Variants in EXOC3L2 observed in about 807,000 individuals in gnomAD.
EXOC3L2 encodes the protein exocyst complex component 3 like 2.
In EXOC3L2, 17 loss-of-function variants were observed where a neutral mutation model predicts 44.4. The ratio of observed to expected loss-of-function variants is 0.38; its 90% CI spans 0.26 to 0.57. The LOEUF is 0.57. Ranked by LOEUF, EXOC3L2 falls within the 20% of genes least tolerant of loss-of-function variation. EXOC3L2 has a pLI of 0.65. For missense variants in EXOC3L2, 541 were observed against 588.4 expected (o/e 0.92, Z 0.83); for synonymous variants, 256 against 253.7 (o/e 1.01, Z -0.09).
At chr19:45,224,742 G>A in intron 8 of EXOC3L2, 36 bp downstream of exon 8, 1 of 1,540,406 alleles carries the variant, frequency 6.5e-7, no homozygotes, top group Non-Finnish European at 8.8e-7. Flanking sequence ...CCCTGTCCTG[G>A]CATGGGCCCC....
intron 11 of EXOC3L2, 46 bp from the exon 12 acceptor site, chr19:45,213,403 G>A: frequency 6.2e-7 from 1 of 1,602,404 alleles, no homozygotes; most frequent in Non-Finnish European, 8.5e-7. Flanking sequence ...CCCAGCTCTA[G>A]ACACACACCC....
intron 4 of EXOC3L2, among the ~76,000 whole-genome samples, chr19:45,231,391 G>A (rs576458773): frequency 1.2e-4 from 18 of 149,600 alleles, no homozygotes; most frequent in African/African-American, 4.5e-4. Context: ...GAGAGGCTGA[G>A]GCAGGAGGAT....
intron 8 of EXOC3L2, among the ~76,000 whole-genome samples, chr19:45,224,279 G>T (rs960826543): frequency 1.3e-5 from 2 of 152,106 alleles, no homozygotes; most frequent in Non-Finnish European, 1.5e-5. Flanking sequence ...TTTGGCATTT[G>T]CTCTGCGTGA....
chr19:45,242,693 C>T (rs757048460), intron 1 of EXOC3L2, among the ~76,000 whole-genome samples: 15 of 152,026 alleles, frequency 9.9e-5, no homozygotes, highest in African/African-American at 2.7e-4. Flanking sequence ...GAAACCCTGC[C>T]TCTACTAAAA....
At chr19:45,237,003 T>G (rs529243306) in intron 2 of EXOC3L2, among the ~76,000 whole-genome samples, 1 of 136,608 alleles carries the variant, frequency 7.3e-6, no homozygotes, top group African/African-American at 2.8e-5. Context: ...AGACCCTGTC[T>G]CAAAGGAAAA....
chr19:45,245,247 C>T (rs1187118436), intron 1 of EXOC3L2, 94 bp downstream of exon 1: 1 of 152,178 alleles, frequency 6.6e-6, no homozygotes, highest in East Asian at 1.9e-4. Flanking sequence ...GGTACAGGTT[C>T]TCATCAGCTC....
intron 1 of EXOC3L2, among the ~76,000 whole-genome samples, chr19:45,240,101 A>AT: frequency 7.3e-6 from 1 of 137,562 alleles, no homozygotes; most frequent in African/African-American, 2.7e-5. Context: ...GGCAAAGCCT[A>AT]ATTTTTTTTT....
Position 45,217,700 on chromosome 19 carries a change from G to C in EXOC3L2, c.1843-17C>G, listed in dbSNP as rs1317553380. On this transcript the variant is annotated splice_polypyrimidine_tract_variant and intron_variant, in intron 9 of 11. Transcript: ENST00000413988. The stretch of plus-strand genomic sequence containing the variant: ...TACCAGCGCCTGGAGGCGGAGGAGG[G>C]AAACCCGAGGGGTGTGAGCCATGCC... 7.2e-7 allele frequency: 1 copy of C among 1,397,766 alleles called. No homozygotes were observed. Among genetic ancestry groups the C allele is most frequent in the African/African-American group, 1.5e-5 (1 of 65,570 alleles). The allele number at this position is 1,397,766 out of a possible 1,614,324, so 86.6% of individuals were successfully genotyped here. A position where few individuals can be genotyped will look rare whatever the true frequency, so the allele number is the denominator to read the frequency against.
chr19:45,228,629 G>A (rs1969993333), intron 4 of EXOC3L2, among the ~76,000 whole-genome samples: 1 of 151,970 alleles, frequency 6.6e-6, no homozygotes, highest in Non-Finnish European at 1.5e-5. Flanking sequence ...AAAATTAGCT[G>A]GGCGTGGTGG....
At chr19:45,215,917 T>C (rs1177866128) in intron 11 of EXOC3L2, among the ~76,000 whole-genome samples, 156 bp downstream of exon 11, 2 of 152,038 alleles carry the variant, frequency 1.3e-5, no homozygotes, top group South Asian at 2.1e-4. Flanking sequence ...AGGAGGGAAA[T>C]CTTATTAATA....
At chr19:45,213,548 T>C (rs984715839) in intron 11 of EXOC3L2, among the ~76,000 whole-genome samples, 191 bp from the exon 12 acceptor site, 2 of 151,860 alleles carry the variant, frequency 1.3e-5, no homozygotes, top group African/African-American at 4.8e-5. Flanking sequence ...ACCAGCTCCC[T>C]CCAGAACTTC....
chr19:45,218,018 C>T (rs1969855533), intron 9 of EXOC3L2, among the ~76,000 whole-genome samples, 179 bp downstream of exon 9: 1 of 152,024 alleles, frequency 6.6e-6, no homozygotes, highest in African/African-American at 2.4e-5. Flanking sequence ...CCGCAGACCC[C>T]GGGCAGGGGC....
chr19:45,218,964 C>T (rs1016398510), intron 8 of EXOC3L2, among the ~76,000 whole-genome samples: 3 of 151,996 alleles, frequency 2.0e-5, no homozygotes, highest in East Asian at 1.9e-4. Flanking sequence ...TGGGACTGCG[C>T]GCAGTGGCTC....
At chr19:45,218,685 G>C (rs1214809758) in intron 8 of EXOC3L2, among the ~76,000 whole-genome samples, 2 of 152,160 alleles carry the variant, frequency 1.3e-5, no homozygotes, top group Non-Finnish European at 2.9e-5. Context: ...GGGGGAGGGG[G>C]AGTGGCTCAA....
chr19:45,238,692 G>A lies in EXOC3L2; in HGVS notation c.354C>T (p.Asp118=), dbSNP rs1238245210. ...GGGCGGCCTCCCCCGCTGCCTCCTCGTCGCCGTGGGCTCGGGTCCCATGCA... is the reference window on the plus strand; with the variant it reads ...GGGCGGCCTCCCCCGCTGCCTCCTCATCGCCGTGGGCTCGGGTCCCATGCA... ...ARLHGTRAHG[D]EEAAGEAARR... is the part of the protein sequence containing the mutation. The change falls in exon 2 of 12, where the codon GAC becomes GAT. Residue 118 remains aspartate (D), a synonymous_variant. Transcript: ENST00000413988. The surrounding 1 kb of genome is among the most constrained non-coding windows in gnomAD (Gnocchi z 5.5). 1.0e-5 allele frequency: 4 copies of A among 399,072 alleles called. No homozygotes were observed. Among genetic ancestry groups the A allele is most frequent in the Non-Finnish European group, 1.8e-5 (4 of 225,980 alleles). The allele number at this position is 399,072 out of a possible 1,614,324, so 24.7% of individuals were successfully genotyped here. A position where few individuals can be genotyped will look rare whatever the true frequency, so the allele number is the denominator to read the frequency against.
At chr19:45,217,711 G>T (rs1052386684) in intron 9 of EXOC3L2, 28 bp from the exon 10 acceptor site, 40 of 1,392,732 alleles carry the variant, frequency 2.9e-5, no homozygotes, top group Admixed American at 1.7e-4. Context: ...AAACCCGAGG[G>T]GTGTGAGCCA....
At chr19:45,224,986 T>G in intron 7 of EXOC3L2, 73 bp from the exon 8 acceptor site, 1 of 1,428,432 alleles carries the variant, frequency 7.0e-7, no homozygotes, top group Non-Finnish European at 9.2e-7. Flanking sequence ...TGTCTTCCCT[T>G]AGGTAGATCA....
Position 45,224,789 on chromosome 19 carries a change from G to A in EXOC3L2, c.1708C>T (p.Gln570Ter). ...CHRVVANLLFQELQPHFNKLM... is the reference protein window; with the variant it reads ...CHRVVANLLF ...CCCACCTCACTCACCTGCAGCTCCT[G>A]GAACAGCAGGTTGGCCACGACACGG... The change falls in exon 8 of 12, where the codon CAG becomes TAG. Residue 570 changes from glutamine (Q) to a stop codon, truncating the protein, a stop_gained. Coordinates refer to ENST00000413988, the MANE Select transcript of EXOC3L2 (RefSeq NM_001382422.1). LOFTEE classifies it high-confidence loss of function. 6.4e-7 allele frequency: 1 copy of A among 1,556,966 alleles called. No individual in the cohort carries two copies. The highest frequency in any genetic ancestry group is 8.7e-7 in the Non-Finnish European group (1 of 1,149,960).
intron 3 of EXOC3L2, among the ~76,000 whole-genome samples, chr19:45,232,480 T>A (rs1970041947): frequency 6.6e-6 from 1 of 152,186 alleles, no homozygotes; most frequent in Admixed American, 6.5e-5. Context: ...GAGATCTATG[T>A]GGTCAATGTG....
Sources: gnomAD v4.1 joint callset for allele counts (sites outside exome capture counted in the v4.1 genomes callset) on GRCh38, gnomAD v4.1.1 for gene constraint, Gnocchi (gnomAD v3.1) non-coding constraint, MANE v1.5 for transcripts, NCBI Gene and HGNC (gene_info 2026-07-23, HGNC 2026-07-21) for gene names.